Variants in HACE1 observed in about 807,000 individuals in gnomAD.
HACE1 encodes the protein HECT domain and ankyrin repeat containing E3 ubiquitin protein ligase 1.
In HACE1, 73 loss-of-function variants were observed where a neutral mutation model predicts 118.4. That is an observed-to-expected ratio of 0.62 (90% confidence interval 0.51 to 0.75). The LOEUF (loss-of-function observed/expected upper bound fraction) is 0.75. HACE1 is among the 30% of genes least tolerant of loss of function. The pLI is 0.00. For synonymous variants in HACE1, 368 were observed against 374.8 expected, an observed-to-expected ratio of 0.98 and a Z score of 0.21; for missense variants, 749 against 1,102.2, an observed-to-expected ratio of 0.68 and a Z score of 4.54.
At chr6:104,811,434 C>T in intron 6 of HACE1, 41 bp from the exon 7 acceptor site, 1 of 932,514 alleles carries the variant, frequency 1.1e-6, no homozygotes, top group South Asian at 1.3e-5. Flanking sequence ...CCAGAGGAAT[C>T]AAACAAAAGA....
At chr6:104,768,792 T>C (rs1180329979) in intron 19 of HACE1, among the ~76,000 whole-genome samples, 1 of 152,096 alleles carries the variant, frequency 6.6e-6, no homozygotes, top group Non-Finnish European at 1.5e-5. Context: ...AGTTTCAAGC[T>C]CTTTAATATT....
Position 104,833,072 on chromosome 6 carries a change from C to T in HACE1, c.504G>A (p.Leu168=). 6.2e-7 allele frequency: 1 copy of T among 1,612,120 alleles called. No homozygotes were observed. Among genetic ancestry groups the T allele is most frequent in the Non-Finnish European group, 8.5e-7 (1 of 1,178,116 alleles). Residue 168 remains leucine, a synonymous_variant, in exon 6 of 24, where the codon CTG becomes CTA. Coordinates refer to ENST00000262903, the MANE Select transcript of HACE1 (RefSeq NM_020771.4). Reference sequence around the variant, plus strand: ...TGTGACCGTTCTGGCAGGCAACATGCAGTGCTGTCTGCCCCATGGCATCCT... The same window carrying T: ...TGTGACCGTTCTGGCAGGCAACATGTAGTGCTGTCTGCCCCATGGCATCCT... ...DVEDAMGQTA[L]HVACQNGHKT... is the part of the protein sequence containing the mutation.
chr6:104,833,762 G>A (rs765054820), intron 5 of HACE1, among the ~76,000 whole-genome samples: 4 of 152,086 alleles, frequency 2.6e-5, no homozygotes, highest in East Asian at 1.9e-4. Flanking sequence ...TGAGGCAGGC[G>A]GATCACAAGG....
intron 17 of HACE1, among the ~76,000 whole-genome samples, chr6:104,772,516 T>C (rs910400881): frequency 1.3e-5 from 2 of 152,202 alleles, no homozygotes; most frequent in Admixed American, 1.3e-4. Flanking sequence ...AAGTATTTGC[T>C]AGTTTTTGCT....
At chr6:104,779,679 G>A (rs1447118449) in intron 14 of HACE1, among the ~76,000 whole-genome samples, 1 of 152,058 alleles carries the variant, frequency 6.6e-6, no homozygotes, top group Admixed American at 6.5e-5. Flanking sequence ...ATTTAAGTAT[G>A]GGCTTTGAAG....
intron 22 of HACE1, among the ~76,000 whole-genome samples, chr6:104,741,472 C>G (rs1256433584): frequency 6.8e-6 from 1 of 146,006 alleles, no homozygotes; most frequent in East Asian, 2.0e-4. Flanking sequence ...TCTCAGGATA[C>G]AAAATCAATG....
Position 104,843,311 on chromosome 6 carries a change from AAG to A in HACE1, c.327-15_327-14del. ...ACATTTCTTCTGCCTGAAAAGAAAAAAGAGTCATGGATAACTGGTACTTAAAA... is the reference window on the plus strand; with the variant it reads ...ACATTTCTTCTGCCTGAAAAGAAAAAAGTCATGGATAACTGGTACTTAAAA... On this transcript the variant is annotated splice_polypyrimidine_tract_variant and intron_variant, in intron 4 of 23. Transcript: ENST00000262903. 8.0e-7 allele frequency: 1 copy of A among 1,247,922 alleles called. No individual in the cohort carries two copies. Among genetic ancestry groups the A allele is most frequent in the Non-Finnish European group, 1.2e-6 (1 of 846,414 alleles). 77.3% of individuals were successfully genotyped at this position (1,247,922 alleles called of 1,614,324 possible).
intron 19 of HACE1, among the ~76,000 whole-genome samples, chr6:104,756,904 G>T (rs1778761605): frequency 6.6e-6 from 1 of 152,240 alleles, no homozygotes; most frequent in African/African-American, 2.4e-5. Context: ...TCTGTGCCTG[G>T]CTCAGAGGGT....
chr6:104,767,656 T>C (rs1780156195), intron 19 of HACE1, among the ~76,000 whole-genome samples: 1 of 152,154 alleles, frequency 6.6e-6, no homozygotes, highest in South Asian at 2.1e-4. Flanking sequence ...TTTGGCCACT[T>C]TCTCCCTTCC....
chr6:104,785,360 C>T (rs200387164), intron 11 of HACE1, 41 bp from the exon 12 acceptor site: 1,010 of 1,065,256 alleles, frequency 9.5e-4, no homozygotes, highest in Non-Finnish European at 1.3e-3. Flanking sequence ...CATTCTTAAA[C>T]TACAGGATTA....
At chr6:104,843,739 C>T (rs1189143881) in intron 4 of HACE1, among the ~76,000 whole-genome samples, 1 of 152,130 alleles carries the variant, frequency 6.6e-6, no homozygotes, top group African/African-American at 2.4e-5. Context: ...CAAAACCATA[C>T]TCAGAATATC....
chr6:104,728,447 G>C lies in HACE1; in HGVS notation c.*1215C>G, dbSNP rs1347439128. On this transcript the variant is annotated 3_prime_UTR_variant, in exon 24 of 24. Transcript: ENST00000262903. ...ATTTAGAAAAGACAAGAGAATAAGA[G>C]AATCAAAACCAACGAATTAAAGGAG... The C allele has an allele frequency of 6.6e-6, 1 of 152,106 alleles. No homozygotes were observed. Among genetic ancestry groups the C allele is most frequent in the East Asian group, 1.9e-4 (1 of 5,200 alleles). 9.4% of individuals were successfully genotyped at this position (152,106 alleles called of 1,614,324 possible).
rs1364135888 is a variant in HACE1, at chr6:104,843,244, A to G, written c.381T>C (p.Cys127=). 1 of 1,526,084 alleles carries G rather than the reference A, an allele frequency of 6.6e-7. No individual in the cohort carries two copies. The allele number at this position is 1,526,084 out of a possible 1,614,324, so 94.5% of individuals were successfully genotyped here. The change falls in exon 5 of 24, where the codon TGT becomes TGC. Residue 127 remains cysteine, a synonymous_variant. Transcript: ENST00000262903. ...TTACTGCTGTAAGGCCTTCATTATT[A>G]CAAATGTTGACATCAGCGCTATATT... ...LLEYSADVNI[C]NNEGLTAIHW... is the part of the protein sequence containing the mutation.
chr6:104,816,887 G>C (rs78031417), intron 6 of HACE1, among the ~76,000 whole-genome samples: 3 of 152,164 alleles, frequency 2.0e-5, no homozygotes, highest in African/African-American at 7.2e-5. Context: ...TATGAGACAC[G>C]GAGTCAACGG....
intron 14 of HACE1, chr6:104,780,276 G>A (rs943126184): frequency 5.1e-5 from 19 of 374,652 alleles, no homozygotes; most frequent in Non-Finnish European, 9.8e-5. Flanking sequence ...CAAAAGCTCA[G>A]ATCAAACACA....
At chr6:104,792,543 T>A (rs1783134831) in intron 10 of HACE1, among the ~76,000 whole-genome samples, 1 of 152,138 alleles carries the variant, frequency 6.6e-6, no homozygotes, top group South Asian at 2.1e-4. Context: ...TTATCTTGTA[T>A]CACAAATGTC....
At chr6:104,791,376 T>C in intron 11 of HACE1, 128 bp downstream of exon 11, 1 of 793,704 alleles carries the variant, frequency 1.3e-6, no homozygotes. Context: ...GTGCCTAATT[T>C]TGAAAGTGAT....
At chr6:104,848,135 G>A (rs970902904) in intron 4 of HACE1, among the ~76,000 whole-genome samples, 5 of 151,188 alleles carry the variant, frequency 3.3e-5, no homozygotes, top group Non-Finnish European at 7.4e-5. Context: ...TACAGGCCTG[G>A]ACTCCATAAA....
chr6:104,737,196 G>T (rs1057182227), intron 22 of HACE1, among the ~76,000 whole-genome samples: 8 of 148,500 alleles, frequency 5.4e-5, no homozygotes, highest in African/African-American at 2.0e-4. Context: ...GGAGGCTGAG[G>T]CAGGAGAATC....
Sources: gnomAD v4.1 joint callset for allele counts (sites outside exome capture counted in the v4.1 genomes callset) on GRCh38, gnomAD v4.1.1 for gene constraint, MANE v1.5 for transcripts, NCBI Gene and HGNC (gene_info 2026-07-23, HGNC 2026-07-21) for gene names.